Variants in ARHGAP44 observed in about 807,000 individuals in gnomAD.
ARHGAP44 encodes rho GTPase-activating protein 44.
In ARHGAP44, 43 loss-of-function variants were observed where a neutral mutation model predicts 106.8. That is an observed-to-expected ratio of 0.40 (90% confidence interval 0.32 to 0.52). ARHGAP44 has a LOEUF of 0.52. Ranked by LOEUF, ARHGAP44 falls within the 20% of genes least tolerant of loss-of-function variation. ARHGAP44 has a pLI of 0.48. For missense variants in ARHGAP44, 866 were observed against 1,050.5 expected, an observed-to-expected ratio of 0.82 and a Z score of 2.43; for synonymous variants, 439 against 410.3, an observed-to-expected ratio of 1.07 and a Z score of -0.85.
At chr17:12,807,612 A>G (rs975694440) in intron 1 of ARHGAP44, among the ~76,000 whole-genome samples, 2 of 152,322 alleles carry the variant, frequency 1.3e-5, no homozygotes, top group South Asian at 4.1e-4. Context: ...CAAGCACAGC[A>G]TGGGAAAGAC....
chr17:12,977,987 G>A (rs1356124152), intron 18 of ARHGAP44, among the ~76,000 whole-genome samples: 4 of 128,364 alleles, frequency 3.1e-5, no homozygotes, highest in Admixed American at 2.0e-4. Context: ...ACAGTGAGCT[G>A]AGATCATGGC....
chr17:12,913,287 A>C (rs372603093), intron 4 of ARHGAP44, among the ~76,000 whole-genome samples: 1 of 152,174 alleles, frequency 6.6e-6, no homozygotes, highest in Non-Finnish European at 1.5e-5. Flanking sequence ...ATCTTAACAG[A>C]CAAACTAGGA....
chr17:12,916,238 A>G (rs1303090173), intron 5 of ARHGAP44, among the ~76,000 whole-genome samples: 3 of 152,090 alleles, frequency 2.0e-5, no homozygotes, highest in Admixed American at 2.0e-4. Flanking sequence ...GCATTCCTAG[A>G]AGTAAGGTGG....
chr17:12,794,770 G>A (rs1458044401), intron 1 of ARHGAP44, among the ~76,000 whole-genome samples: 1 of 152,126 alleles, frequency 6.6e-6, no homozygotes, highest in Admixed American at 6.5e-5. Flanking sequence ...CTGCTGTGCA[G>A]CTCTTGGAAT....
In ARHGAP44 at chr17:12,857,765, GTTATTTATTTATTTAT is replaced by G. The variant is rs56164347; in HGVS notation, c.54-37142_54-37127del. Among the ~76,000 whole-genome samples the G allele has an allele frequency of 1.5e-3, 220 of 145,618 alleles. No homozygotes were observed. In the Middle Eastern group the frequency reaches 0.018, roughly 12 times the overall value. ...AAACTTTATTGCTTCGGTTGCCCATGTTATTTATTTATTTATTTATTTATTTATTTATTTATTTATT... is the reference window on the plus strand; with the variant it reads ...AAACTTTATTGCTTCGGTTGCCCATGTTATTTATTTATTTATTTATTTATT... On this transcript the variant is annotated intron_variant, in intron 1 of 20. Transcript: ENST00000379672.
At position 12,903,601 on chromosome 17, in the gene ARHGAP44, ATTAAT is replaced by A. The variant is rs1356936079; in HGVS notation, c.199-5292_199-5288del. On this transcript the variant is annotated intron_variant, in intron 3 of 20. Transcript: ENST00000379672. ...TGGATATCCTTTTAAAAAATTTTTA[ATTAAT>A]TTATTTCAATAGGTTTTTGGGGAAC... Among the ~76,000 whole-genome samples the A allele has an allele frequency of 3.3e-5, 5 of 152,274 alleles. 1 individual carries two copies. The highest frequency in any genetic ancestry group is 1.2e-4 in the African/African-American group (5 of 41,558).
intron 9 of ARHGAP44, 143 bp from the exon 10 acceptor site, chr17:12,943,926 C>T (rs2038774154): frequency 2.4e-6 from 3 of 1,261,162 alleles, no homozygotes; most frequent in Non-Finnish European, 3.2e-6. Context: ...TCCTGTCATC[C>T]TTAAAACCAC....
intron 4 of ARHGAP44, among the ~76,000 whole-genome samples, chr17:12,910,176 A>T (rs1234722568): frequency 6.6e-6 from 1 of 152,030 alleles, no homozygotes; most frequent in Non-Finnish European, 1.5e-5. Context: ...CATGAAATAG[A>T]TTACATCTCT....
intron 20 of ARHGAP44, among the ~76,000 whole-genome samples, chr17:12,989,632 G>C (rs998369101): frequency 6.6e-6 from 1 of 152,046 alleles, no homozygotes; most frequent in Non-Finnish European, 1.5e-5. Context: ...AGGAGAAAGG[G>C]GTCCACTGTC....
chr17:12,873,015 A>G (rs564350663), intron 1 of ARHGAP44, among the ~76,000 whole-genome samples: 1 of 152,086 alleles, frequency 6.6e-6, no homozygotes, highest in African/African-American at 2.4e-5. Flanking sequence ...GTTGTCCCCT[A>G]ATTCCCATGA....
At chr17:12,986,226 C>T (rs1045068637) in intron 20 of ARHGAP44, 5 of 152,122 alleles carry the variant, frequency 3.3e-5, no homozygotes, top group African/African-American at 1.2e-4. Context: ...CAAATTTCTC[C>T]CTGGAAAATG....
rs377352989 is a variant in ARHGAP44, at chr17:12,980,199, G to A, written c.1905G>A (p.Pro635=). ...GCGCCAGCCCCAGCCCCAGCCAGCC[G>A]CCTGCAGACCAGAGTCCTCACACCC... ...QPGASPSPSQ[P]PADQSPHTLR... The change falls in exon 19 of 21, where the codon CCG becomes CCA. Residue 635 remains proline, a synonymous_variant. Transcript: ENST00000379672. The A allele has an allele frequency of 5.6e-6, 9 of 1,612,936 alleles. No individual in the cohort carries two copies. Among genetic ancestry groups the A allele is most frequent in the Non-Finnish European group, 7.6e-6 (9 of 1,179,842 alleles).
At chr17:12,927,336 T>C (rs1030414447) in intron 6 of ARHGAP44, among the ~76,000 whole-genome samples, 3 of 152,228 alleles carry the variant, frequency 2.0e-5, no homozygotes, top group African/African-American at 7.2e-5. Flanking sequence ...CCATTTCTTG[T>C]ATTATAGAGC....
chr17:12,975,670 C>T (rs973800419), intron 18 of ARHGAP44, among the ~76,000 whole-genome samples: 28 of 151,570 alleles, frequency 1.8e-4, no homozygotes, highest in African/African-American at 6.3e-4. Flanking sequence ...TGGTGGCGGG[C>T]GCCTGTAGTC....
intron 7 of ARHGAP44, among the ~76,000 whole-genome samples, chr17:12,938,169 A>T (rs2038602683): frequency 6.6e-6 from 1 of 152,256 alleles, no homozygotes. Context: ...TTTGACAAGA[A>T]GACAATCTTT....
intron 7 of ARHGAP44, among the ~76,000 whole-genome samples, chr17:12,933,846 ATTC>A (rs1567695459): frequency 6.9e-6 from 1 of 144,362 alleles, no homozygotes; most frequent in Non-Finnish European, 1.5e-5. Context: ...CATCACATAA[ATTC>A]TTTTTTTTTT....
intron 10 of ARHGAP44, among the ~76,000 whole-genome samples, chr17:12,946,591 G>A (rs1031671593): frequency 6.6e-6 from 1 of 151,974 alleles, no homozygotes; most frequent in African/African-American, 2.4e-5. Flanking sequence ...CTGAGGTTAG[G>A]AATTCGAGAC....
intron 1 of ARHGAP44, among the ~76,000 whole-genome samples, chr17:12,804,037 TAGG>T (rs987984465): frequency 3.9e-5 from 6 of 152,186 alleles, no homozygotes; most frequent in African/African-American, 1.4e-4. Context: ...CATCCAAAGG[TAGG>T]AGGAGTCCAG....
chr17:12,941,803 G>A (rs950735801), intron 8 of ARHGAP44, among the ~76,000 whole-genome samples: 1 of 152,072 alleles, frequency 6.6e-6, no homozygotes, highest in Non-Finnish European at 1.5e-5. Context: ...GTTTACCAGG[G>A]TAAATGCAAA....
Sources: allele counts gnomAD v4.1 joint callset (sites outside exome capture counted in the v4.1 genomes callset), GRCh38; gene constraint gnomAD v4.1.1; transcripts MANE v1.5; gene names NCBI Gene and HGNC (gene_info 2026-07-23, HGNC 2026-07-21).